ANKS1A: variants seen among roughly 807,000 people sequenced by gnomAD.
ANKS1A encodes the protein ankyrin repeat and sterile alpha motif domain containing 1A.
In ANKS1A, 55 loss-of-function variants were observed where a neutral mutation model predicts 120.3. That is an observed-to-expected ratio of 0.46 (90% CI 0.37 to 0.57). ANKS1A has a LOEUF of 0.57. Among genes scored for constraint, ANKS1A ranks in the 20% least tolerant of loss-of-function variants. The probability of loss-of-function intolerance (pLI) is 0.00; values close to 1 mark genes in which losing one functional copy is unlikely to be tolerated. For synonymous variants in ANKS1A, 590 were observed against 604.7 expected (o/e 0.98, Z 0.36); for missense variants, 1,123 against 1,480.3 (o/e 0.76, Z 3.96).
chr6:34,915,969 A>G (rs1412973666), intron 1 of ANKS1A, among the ~76,000 whole-genome samples: 2 of 142,640 alleles, frequency 1.4e-5, no homozygotes, highest in African/African-American at 5.2e-5. Context: ...GGAGGTAAAG[A>G]GGCTTCATGT....
intron 9 of ANKS1A, among the ~76,000 whole-genome samples, chr6:34,992,816 G>T (rs1265435592): frequency 6.6e-6 from 1 of 152,180 alleles, no homozygotes. Context: ...CTTTAGAGTG[G>T]CAGCCTTGTT....
chr6:34,983,861 G>A (rs1164228154), intron 7 of ANKS1A, among the ~76,000 whole-genome samples: 3 of 146,776 alleles, frequency 2.0e-5, no homozygotes, highest in African/African-American at 5.1e-5. Context: ...GTGTGATCTC[G>A]GCTCACTGCA....
chr6:34,912,563 A>G (rs1016256579), intron 1 of ANKS1A, among the ~76,000 whole-genome samples: 2 of 152,210 alleles, frequency 1.3e-5, no homozygotes, highest in Non-Finnish European at 2.9e-5. Context: ...CTGAGAAGGA[A>G]TGAACAACAG....
At chr6:34,963,943 G>A (rs1309211172) in intron 1 of ANKS1A, among the ~76,000 whole-genome samples, 1 of 152,042 alleles carries the variant, frequency 6.6e-6, no homozygotes, top group East Asian at 1.9e-4. Flanking sequence ...CAGATCTTTT[G>A]CCCAATGTTT....
At chr6:34,993,705 G>T (rs549738925) in intron 9 of ANKS1A, among the ~76,000 whole-genome samples, 2 of 152,236 alleles carry the variant, frequency 1.3e-5, no homozygotes, top group African/African-American at 4.8e-5. Flanking sequence ...TTGAGGGTCA[G>T]TTGGAAGTCA....
intron 1 of ANKS1A, among the ~76,000 whole-genome samples, chr6:34,900,996 C>T (rs1391960896): frequency 3.3e-5 from 5 of 152,166 alleles, no homozygotes; most frequent in Admixed American, 6.5e-5. Context: ...AGAAAATTCT[C>T]ATCTCATGTA....
chr6:34,974,243 GTTCCCC>G (rs1175053273), intron 3 of ANKS1A, among the ~76,000 whole-genome samples: 1 of 7,948 alleles, frequency 1.3e-4, no homozygotes, highest in East Asian at 3.3e-3. Context: ...TCCCGTTCCC[GTTCCCC>G]TTCCCCTTCC....
At chr6:35,001,150 T>A (rs565322048) in intron 10 of ANKS1A, among the ~76,000 whole-genome samples, 2 of 152,344 alleles carry the variant, frequency 1.3e-5, no homozygotes, top group South Asian at 2.1e-4. Context: ...AAAATTTAGC[T>A]TATCTGGTAT....
intron 11 of ANKS1A, 65 bp from the exon 12 acceptor site, chr6:35,054,033 TG>T: frequency 7.3e-7 from 1 of 1,367,938 alleles, no homozygotes; most frequent in Non-Finnish European, 1.0e-6. Context: ...ACTGGCGCTG[TG>T]GTGAGCTGGT....
intron 3 of ANKS1A, among the ~76,000 whole-genome samples, chr6:34,976,445 CCT>C (rs1437837532): frequency 2.6e-5 from 4 of 152,042 alleles, no homozygotes; most frequent in Non-Finnish European, 5.9e-5. Context: ...GCATTTTCCC[CCT>C]CTTAACAATT....
intron 13 of ANKS1A, among the ~76,000 whole-genome samples, chr6:35,070,090 G>A (rs1777004242): frequency 6.7e-6 from 1 of 150,342 alleles, no homozygotes; most frequent in South Asian, 2.1e-4. Context: ...TCAAACTCCT[G>A]GGCCCAGGAG....
At chr6:35,016,897 A>G (rs1314751621) in intron 10 of ANKS1A, among the ~76,000 whole-genome samples, 1 of 148,662 alleles carries the variant, frequency 6.7e-6, no homozygotes, top group Admixed American at 6.7e-5. Context: ...TGTTTCTGTT[A>G]AGGAATTCCA....
chr6:35,079,417 C>T, intron 14 of ANKS1A, 99 bp from the exon 15 acceptor site: 1 of 1,500,724 alleles, frequency 6.7e-7, no homozygotes, highest in African/African-American at 1.4e-5. Context: ...CAGAGGGCCC[C>T]CTGGCCACAG....
intron 1 of ANKS1A, among the ~76,000 whole-genome samples, chr6:34,902,491 A>G (rs1581667415): frequency 6.6e-6 from 1 of 151,592 alleles, no homozygotes; most frequent in Admixed American, 6.6e-5. Context: ...CAGATGATCC[A>G]CCCGCCTCGG....
intron 3 of ANKS1A, among the ~76,000 whole-genome samples, chr6:34,974,720 C>T (rs955612025): frequency 3.3e-5 from 5 of 152,078 alleles, no homozygotes; most frequent in African/African-American, 9.7e-5. Context: ...TAAAATACGG[C>T]ACTATAATCT....
At chr6:34,898,091 G>T (rs1029208522) in intron 1 of ANKS1A, among the ~76,000 whole-genome samples, 1 of 152,194 alleles carries the variant, frequency 6.6e-6, no homozygotes, top group Non-Finnish European at 1.5e-5. Flanking sequence ...CATGGCAAGG[G>T]TTTGGTAACC....
At chr6:34,946,891 C>A (rs758518979) in intron 1 of ANKS1A, among the ~76,000 whole-genome samples, 2 of 152,052 alleles carry the variant, frequency 1.3e-5, no homozygotes, top group African/African-American at 2.4e-5. Flanking sequence ...TCTAGCAGAC[C>A]GTCAATTGAG....
rs941117582 is a variant in ANKS1A at position 35,055,360 on chromosome 6, C to T, written c.2077+1195C>T. 9.9e-5 allele frequency among the ~76,000 whole-genome samples: 15 copies of T among 151,282 alleles called. 1 individual carries two copies. In the East Asian group the frequency reaches 2.1e-3, roughly 21 times the overall value. ...TTTTTTTTTTTTTGAGACGGAGTCT[C>T]ACTCTGTCACCCAGGCTGGAGAGCA... On this transcript the variant is annotated intron_variant, in intron 12 of 23. Transcript: ENST00000360359.
At chr6:35,038,157 C>G (rs2127574957) in intron 11 of ANKS1A, 2 of 456,436 alleles carry the variant, frequency 4.4e-6, no homozygotes, top group South Asian at 3.1e-5. Flanking sequence ...ACCCGCACCC[C>G]CATCTTGTCC....
Sources: allele counts gnomAD v4.1 joint callset (sites outside exome capture counted in the v4.1 genomes callset), GRCh38; gene constraint gnomAD v4.1.1; transcripts MANE v1.5; gene names NCBI Gene and HGNC (gene_info 2026-07-23, HGNC 2026-07-21).